Variants in RGL1 observed in about 807,000 individuals in gnomAD.
RGL1 encodes ral guanine nucleotide dissociation stimulator like 1, also known as ral guanine nucleotide dissociation stimulator-like 1.
Under a neutral mutation model 95.2 loss-of-function variants are expected in RGL1, and 24 were observed. That is an observed-to-expected ratio of 0.25 (90% confidence interval 0.18 to 0.35). The LOEUF (loss-of-function observed/expected upper bound fraction) is 0.35, where lower values mean the gene tolerates loss of function less well. Among genes scored for constraint, RGL1 ranks in the 10% least tolerant of loss-of-function variants. The probability of loss-of-function intolerance (pLI) is 1.00; values close to 1 mark genes in which losing one functional copy is unlikely to be tolerated. For missense variants in RGL1, 715 were observed against 936.3 expected (o/e 0.76, Z 3.08); for synonymous variants, 329 against 344.9 (o/e 0.95, Z 0.51).
chr1:183,851,943 T>C (rs898410334), intron 3 of RGL1, among the ~76,000 whole-genome samples: 7 of 152,260 alleles, frequency 4.6e-5, no homozygotes, highest in Non-Finnish European at 1.0e-4. Flanking sequence ...ATTTGAAATA[T>C]TATTTTGTCA....
intron 1 of RGL1, among the ~76,000 whole-genome samples, chr1:183,719,665 G>A (rs1184749226): frequency 1.3e-5 from 2 of 152,210 alleles, no homozygotes; most frequent in East Asian, 3.8e-4. Flanking sequence ...CAGCACTTTG[G>A]GAGGCCGAGG....
chr1:183,798,032 G>A (rs868533323), intron 2 of RGL1, among the ~76,000 whole-genome samples: 3 of 152,132 alleles, frequency 2.0e-5, no homozygotes, highest in African/African-American at 7.2e-5. Context: ...TATCAGTTTT[G>A]TTCAAAAGTC....
At chr1:183,784,467 A>T (rs1206010154) in intron 2 of RGL1, among the ~76,000 whole-genome samples, 1 of 152,244 alleles carries the variant, frequency 6.6e-6, no homozygotes, top group East Asian at 1.9e-4. Context: ...CCCCAGCCCC[A>T]GAGGGACCAG....
intron 1 of RGL1, among the ~76,000 whole-genome samples, chr1:183,689,843 CT>C (rs764743921): frequency 4.7e-4 from 71 of 152,174 alleles, no homozygotes; most frequent in Admixed American, 1.6e-3. Flanking sequence ...ATTCATTCAG[CT>C]TCTGGCACTG....
chr1:183,874,843 T>G (rs940544157), intron 4 of RGL1, among the ~76,000 whole-genome samples: 1 of 152,178 alleles, frequency 6.6e-6, no homozygotes, highest in African/African-American at 2.4e-5. Context: ...AGAGGCAGCT[T>G]CTATCTGGCA....
chr1:183,660,751 A>G (rs1651557596), intron 1 of RGL1, among the ~76,000 whole-genome samples: 1 of 152,122 alleles, frequency 6.6e-6, no homozygotes. Flanking sequence ...TCAACAGAAT[A>G]TACATTTTTT....
chr1:183,910,566 C>T (rs774761493), intron 14 of RGL1, among the ~76,000 whole-genome samples: 1 of 152,224 alleles, frequency 6.6e-6, no homozygotes, highest in East Asian at 1.9e-4. Context: ...TCCATCCTCT[C>T]CATGTCTTCT....
At chr1:183,848,372 T>G (rs1473477929) in intron 3 of RGL1, among the ~76,000 whole-genome samples, 1 of 152,246 alleles carries the variant, frequency 6.6e-6, no homozygotes. Context: ...TTCCTCTTTA[T>G]TTCTGTTTTA....
At chr1:183,678,655 G>T (rs1436857851) in intron 1 of RGL1, among the ~76,000 whole-genome samples, 1 of 151,386 alleles carries the variant, frequency 6.6e-6, no homozygotes, top group Non-Finnish European at 1.5e-5. Context: ...AGGCTGGAGT[G>T]CAGTGGTGTG....
chr1:183,697,829 G>T (rs554045388), intron 1 of RGL1, among the ~76,000 whole-genome samples: 23 of 152,318 alleles, frequency 1.5e-4, no homozygotes, highest in African/African-American at 5.5e-4. Context: ...AGGATTCCAA[G>T]TATCTCAGTT....
chr1:183,664,251 T>C (rs533030270), intron 1 of RGL1, among the ~76,000 whole-genome samples: 2 of 152,210 alleles, frequency 1.3e-5, no homozygotes, highest in South Asian at 4.2e-4. Context: ...GGAATTTTTC[T>C]TGATTTCCTT....
At chr1:183,669,136 G>T (rs1487078052) in intron 1 of RGL1, among the ~76,000 whole-genome samples, 1 of 151,798 alleles carries the variant, frequency 6.6e-6, no homozygotes, top group Non-Finnish European at 1.5e-5. Context: ...TAGAGATGGG[G>T]TTTCACCATG....
chr1:183,639,287 A>G (rs1477021902), intron 1 of RGL1, among the ~76,000 whole-genome samples: 1 of 151,856 alleles, frequency 6.6e-6, no homozygotes. Flanking sequence ...CATCTCAAAA[A>G]AAAAAAAAAA....
At chr1:183,662,592 C>T (rs1368890778) in intron 1 of RGL1, among the ~76,000 whole-genome samples, 4 of 152,256 alleles carry the variant, frequency 2.6e-5, no homozygotes, top group South Asian at 2.1e-4. Flanking sequence ...ACATTCCATG[C>T]TCATGGGTAG....
chr1:183,802,866 C>T (rs944141650), upstream of RGL1, among the ~76,000 whole-genome samples: 13 of 152,140 alleles, frequency 8.5e-5, no homozygotes, highest in African/African-American at 1.4e-4. Flanking sequence ...TGTTAGGTCA[C>T]GGGAAGGCTA....
At chr1:183,922,679 G>A (rs183501217) in intron 17 of RGL1, among the ~76,000 whole-genome samples, 1 of 152,288 alleles carries the variant, frequency 6.6e-6, no homozygotes, top group Admixed American at 6.5e-5. Context: ...ATTGCAGGTG[G>A]CCACACACCT....
At chr1:183,736,342 T>G (rs1252293538) in intron 1 of RGL1, among the ~76,000 whole-genome samples, 8 of 152,196 alleles carry the variant, frequency 5.3e-5, no homozygotes, top group African/African-American at 1.9e-4. Flanking sequence ...ATGCTTTACT[T>G]TTGTAACTGT....
intron 11 of RGL1, among the ~76,000 whole-genome samples, chr1:183,902,207 A>G (rs141687485): frequency 3.9e-4 from 59 of 152,360 alleles, no homozygotes; most frequent in African/African-American, 1.0e-3. Flanking sequence ...GTATGAGTCA[A>G]TGACCATCTG....
intron 2 of RGL1, among the ~76,000 whole-genome samples, chr1:183,773,946 CTT>C (rs1333844580): frequency 3.0e-4 from 9 of 29,694 alleles, no homozygotes; most frequent in Non-Finnish European, 5.4e-4. Context: ...GTGGTAGAGA[CTT>C]GGGAAAGAAA....
Sources: allele counts gnomAD v4.1 joint callset (sites outside exome capture counted in the v4.1 genomes callset), GRCh38; gene constraint gnomAD v4.1.1; transcripts MANE v1.5; gene names NCBI Gene and HGNC (gene_info 2026-07-23, HGNC 2026-07-21).